Variants in CCDC74A observed in about 807,000 individuals in gnomAD.
CCDC74A encodes coiled-coil domain containing 74A.
CCDC74A carries 38 observed loss-of-function variants against 37.6 expected under a neutral mutation model. The observed-to-expected ratio is 1.01, with a 90% CI of 0.78 to 1.33. CCDC74A has a LOEUF of 1.33. Ranked by LOEUF, CCDC74A falls within the 40% of genes most tolerant of loss-of-function variation. The pLI is 0.00. For synonymous variants in CCDC74A, 134 were observed against 165.2 expected, an observed-to-expected ratio of 0.81 and a Z score of 1.45; for missense variants, 340 against 403.4, an observed-to-expected ratio of 0.84 and a Z score of 1.35.
Position 131,530,115 on chromosome 2 carries a change from C to T in CCDC74A, c.295+424C>T, listed in dbSNP as rs539206706. On this transcript the variant is annotated intron_variant, in intron 2 of 7. Coordinates refer to ENST00000409856, the MANE Select transcript of CCDC74A (RefSeq NM_001258306.3). ...GGGCCCAGGGGCTCTGGACACACTC[C>T]ATCCAGGGATCCCTTCCTGCCATCT... 382 of 1,550,258 alleles carry T rather than the reference C, an allele frequency of 2.5e-4. 2 individuals are homozygous for T. In the East Asian group the frequency reaches 8.6e-3, roughly 35 times the overall value.
chr2:131,532,891 G>A lies in CCDC74A; in HGVS notation c.706G>A (p.Gly236Arg), dbSNP rs13660. 0.1 allele frequency: 161,555 copies of A among 1,612,786 alleles called. 6,009 individuals carry two copies. The highest frequency in any genetic ancestry group is 0.26 in the African/African-American group (19,713 of 74,650). Reference protein sequence around the residue: ...ELRHLKSLLEGSQRPQAAPEE... With the variant: ...ELRHLKSLLERSQRPQAAPEE... ...GCGGCACCTCAAGTCCCTCCTGGAA[G>A]GGAGCCAGAGGCCCCAGGCAGCCCC... Residue 236 changes from glycine (G) to arginine (R), a missense_variant, in exon 6 of 8, where the codon GGG becomes AGG. Around this residue, in one of 3 missense-constraint regions of CCDC74A, gnomAD observed 185 missense variants for 231.5 expected, o/e 0.80. Transcript: ENST00000409856.
upstream of CCDC74A, among the ~76,000 whole-genome samples, chr2:131,527,214 A>C (rs371105638): frequency 2.5e-3 from 378 of 151,914 alleles, 1 homozygote; most frequent in Non-Finnish European, 4.4e-3. Context: ...GGTTCAAGTG[A>C]TTCTCCTGCC....
intron 2 of CCDC74A, 129 bp downstream of exon 2, chr2:131,529,820 A>G (rs1573533107): frequency 6.5e-7 from 1 of 1,536,664 alleles, no homozygotes; most frequent in African/African-American, 1.4e-5. Flanking sequence ...GTTCTGGGGG[A>G]CCTGGACAGA....
intron 3 of CCDC74A, among the ~76,000 whole-genome samples, chr2:131,531,066 G>A (rs1248780674): frequency 6.6e-6 from 1 of 152,154 alleles, no homozygotes; most frequent in East Asian, 1.9e-4. Flanking sequence ...GGCACCCCAG[G>A]GCGGGGCAGC....
chr2:131,526,346 C>T (rs940970041), upstream of CCDC74A, among the ~76,000 whole-genome samples: 3 of 151,952 alleles, frequency 2.0e-5, no homozygotes, highest in African/African-American at 7.3e-5. Context: ...GGGATATCAC[C>T]ATGTTGGCCA....
chr2:131,523,915 G>T (rs1291930560), upstream of CCDC74A, among the ~76,000 whole-genome samples: 1 of 151,892 alleles, frequency 6.6e-6, no homozygotes, highest in African/African-American at 2.4e-5. Context: ...CACCCTATGG[G>T]AAGGATCATG....
upstream of CCDC74A, among the ~76,000 whole-genome samples, chr2:131,523,923 A>T (rs1351364548): frequency 6.6e-6 from 1 of 151,972 alleles, no homozygotes; most frequent in East Asian, 1.9e-4. Flanking sequence ...GGGAAGGATC[A>T]TGGGAAAGGG....
Position 131,529,665 on chromosome 2 carries a change from T to C in CCDC74A, c.269T>C (p.Ile90Thr), listed in dbSNP as rs138266222. 6.2e-7 allele frequency: 1 copy of C among 1,614,020 alleles called. No homozygotes were observed. The highest frequency in any genetic ancestry group is 8.5e-7 in the Non-Finnish European group (1 of 1,179,874). The change falls in exon 2 of 8, where the codon ATA (isoleucine) becomes ACA (threonine). Residue 90 changes from isoleucine (I) to threonine (T), a missense_variant. This residue lies in a region of CCDC74A where 154 missense variants were observed against 153.9 expected (regional missense o/e 1.00). Coordinates refer to ENST00000409856, the MANE Select transcript of CCDC74A (RefSeq NM_001258306.3). ...CTTTCAGATCTCCATTACAAGCTCA[T>C]AATGAATCAGACATCACAGAAGAAA... ...RENKDLHYKL[I>T]MNQTSQKKDS...
At chr2:131,524,880 G>A (rs1208938579), upstream of CCDC74A, among the ~76,000 whole-genome samples, 6 of 73,034 alleles carry the variant, frequency 8.2e-5, no homozygotes, top group Non-Finnish European at 1.2e-4. Flanking sequence ...GGGCAACATA[G>A]TAAGACAAAA....
intron 1 of CCDC74A, chr2:131,528,492 G>A (rs1246010891): frequency 5.4e-6 from 8 of 1,477,218 alleles, no homozygotes; most frequent in East Asian, 2.5e-5. Flanking sequence ...TCTCCAAGCA[G>A]GGTCAGACAC....
chr2:131,526,603 A>G (rs1214848582), upstream of CCDC74A, among the ~76,000 whole-genome samples: 1 of 152,188 alleles, frequency 6.6e-6, no homozygotes, highest in African/African-American at 2.4e-5. Flanking sequence ...CATCTCTGCC[A>G]TATTTAAGTC....
Position 131,530,845 on chromosome 2 carries a change from C to A in CCDC74A, c.346+18C>A, listed in dbSNP as rs373517981. ...TAATTCAGGTGAGCAGGCTGGCGTC[C>A]ATGTGCTCACAGGGGTGAGTGCCCC... is the stretch of plus-strand genomic sequence containing the variant. On this transcript the variant is annotated intron_variant, in intron 3 of 7. Transcript: ENST00000409856. The A allele has an allele frequency of 1.3e-4, 215 of 1,607,324 alleles. 2 individuals carry two copies. The East Asian group carries it at 1.4e-3, about 10-fold the overall frequency.
chr2:131,528,136 A>C lies in CCDC74A; in HGVS notation c.166A>C (p.Ser56Arg). The C allele has an allele frequency of 6.2e-7, 1 of 1,613,910 alleles. No homozygotes were observed. Among genetic ancestry groups the C allele is most frequent in the South Asian group, 1.1e-5 (1 of 91,080 alleles). ...PQKRNLDLEK[S>R]LQFLQQQHSE... ...GAAACGGAACCTGGACCTGGAGAAA[A>C]GCCTGCAGTTCCTGCAGCAGCAGCA... Residue 56 changes from serine (S) to arginine (R), a missense_variant, in exon 1 of 8, where the codon AGC becomes CGC. Transcript: ENST00000409856.
rs772733441 is a variant in CCDC74A, at chr2:131,528,236, G to T, written c.250+16G>T. The T allele has an allele frequency of 2.5e-6, 4 of 1,609,984 alleles. No homozygotes were observed. The highest frequency in any genetic ancestry group is 1.3e-5 in the African/African-American group (1 of 74,916). On this transcript the variant is annotated intron_variant, in intron 1 of 7. Transcript: ENST00000409856. The stretch of plus-strand genomic sequence containing the variant: ...GAAAACAAGGGTGAGCCGGCGCGGG[G>T]CCCTAGGCCGGCCCTGCCTCCCCAG...
intron 1 of CCDC74A, among the ~76,000 whole-genome samples, chr2:131,528,796 G>C (rs1680668673): frequency 1.3e-5 from 2 of 152,084 alleles, no homozygotes; most frequent in South Asian, 4.1e-4. Context: ...CGGTGACAGA[G>C]CGAGACTCCG....
In CCDC74A at chr2:131,529,692, G is replaced by A. The variant is rs755954256; in HGVS notation, c.295+1G>A. The A allele has an allele frequency of 8.1e-6, 13 of 1,613,860 alleles. No individual in the cohort carries two copies. In the Admixed American group the frequency reaches 2.0e-4, roughly 25 times the overall value. ...ATGAATCAGACATCACAGAAGAAAG[G>A]TGAGAACTGGGCCCTTCAGTGACTG... On this transcript the variant is annotated splice_donor_variant, in intron 2 of 7. Coordinates refer to ENST00000409856, the MANE Select transcript of CCDC74A (RefSeq NM_001258306.3). LOFTEE classifies it high-confidence loss of function.
upstream of CCDC74A, chr2:131,527,877 G>A: frequency 7.1e-7 from 1 of 1,405,674 alleles, no homozygotes; most frequent in Non-Finnish European, 9.2e-7. Flanking sequence ...GCCTTCCGTC[G>A]CCCGGTTTCC....
upstream of CCDC74A, among the ~76,000 whole-genome samples, chr2:131,527,020 C>T (rs1316836277): frequency 6.7e-6 from 1 of 148,956 alleles, no homozygotes; most frequent in Non-Finnish European, 1.5e-5. Flanking sequence ...TTATGATTGG[C>T]CTGGCTGTGA....
rs1189544645 is a variant in CCDC74A, at chr2:131,528,198, G to A, written c.228G>A (p.Glu76=). The A allele has an allele frequency of 6.2e-7, 1 of 1,613,274 alleles. No homozygotes were observed. ...EMLAKLHEEI[E]HLKRENKDLH... is the part of the protein sequence containing the mutation. Reference sequence around the variant, plus strand: ...TGGCCAAGCTCCATGAGGAGATCGAGCATCTGAAGCGGGAAAACAAGGGTG... The same window carrying A: ...TGGCCAAGCTCCATGAGGAGATCGAACATCTGAAGCGGGAAAACAAGGGTG... Residue 76 remains glutamate, a synonymous_variant, in exon 1 of 8, where the codon GAG becomes GAA. Transcript: ENST00000409856.
Sources: gnomAD v4.1 joint callset for allele counts (sites outside exome capture counted in the v4.1 genomes callset) on GRCh38, gnomAD v4.1.1 for gene constraint, gnomAD v4.1.1 regional missense constraint, MANE v1.5 for transcripts, NCBI Gene and HGNC (gene_info 2026-07-23, HGNC 2026-07-21) for gene names.